Variants in KCNH7 observed in about 807,000 individuals in gnomAD.
KCNH7 encodes potassium voltage-gated channel subfamily H member 7, also known as voltage-gated inwardly rectifying potassium channel KCNH7.
Under a neutral mutation model 120.8 loss-of-function variants are expected in KCNH7, and 49 were observed. That is an observed-to-expected ratio of 0.41 (90% CI 0.32 to 0.51). The LOEUF is 0.51. Ranked by LOEUF, KCNH7 falls within the 20% of genes least tolerant of loss-of-function variation. The probability of loss-of-function intolerance (pLI) is 0.38; values close to 1 mark genes in which losing one functional copy is unlikely to be tolerated. For missense variants in KCNH7, 1,097 were observed against 1,446.6 expected, an observed-to-expected ratio of 0.76 and a Z score of 3.92; for synonymous variants, 547 against 516.1, an observed-to-expected ratio of 1.06 and a Z score of -0.81.
intron 2 of KCNH7, among the ~76,000 whole-genome samples, chr2:162,816,613 G>A (rs1332889189): frequency 6.6e-6 from 1 of 152,132 alleles, no homozygotes; most frequent in East Asian, 1.9e-4. Context: ...TTAAGAGGAT[G>A]AAATACTTGA....
At chr2:162,561,926 T>C (rs1031180518) in intron 2 of KCNH7, among the ~76,000 whole-genome samples, 6 of 152,160 alleles carry the variant, frequency 3.9e-5, no homozygotes, top group Admixed American at 6.5e-5. Flanking sequence ...TGGATGACAC[T>C]GGAAACCATC....
At position 162,569,746 on chromosome 2, in the gene KCNH7, T is replaced by A. The variant is rs1206671664; in HGVS notation, c.308-32666A>T. Among the ~76,000 whole-genome samples the A allele has an allele frequency of 7.3e-5, 11 of 151,580 alleles. No homozygotes were observed. In the Admixed American group the frequency reaches 7.3e-4, roughly 10 times the overall value. On this transcript the variant is annotated intron_variant, in intron 2 of 15. Transcript: ENST00000332142. ...TATGTTCTGTCTTTGCTCTCGTTGG[T>A]TTCAAAGAACATCTTTATTTCTGCC...
At chr2:162,714,203 A>G (rs1308024427) in intron 2 of KCNH7, among the ~76,000 whole-genome samples, 5 of 152,194 alleles carry the variant, frequency 3.3e-5, no homozygotes, top group African/African-American at 1.2e-4. Flanking sequence ...TGGGGGTTAT[A>G]TTAATAGTTT....
intron 2 of KCNH7, among the ~76,000 whole-genome samples, chr2:162,740,995 A>G (rs1023464315): frequency 2.0e-5 from 3 of 152,136 alleles, no homozygotes; most frequent in East Asian, 1.9e-4. Flanking sequence ...GGAGTTCTCT[A>G]TGAATCTTGA....
chr2:162,541,507 A>G (rs1178019450), intron 2 of KCNH7, among the ~76,000 whole-genome samples: 1 of 152,150 alleles, frequency 6.6e-6, no homozygotes, highest in African/African-American at 2.4e-5. Flanking sequence ...AATATTATGC[A>G]GCCAAAAAGG....
intron 2 of KCNH7, among the ~76,000 whole-genome samples, chr2:162,559,498 T>C (rs531992856): frequency 6.6e-6 from 1 of 152,320 alleles, no homozygotes; most frequent in Admixed American, 6.5e-5. Flanking sequence ...AACAGTTTTA[T>C]TTTAGAAAGC....
intron 2 of KCNH7, among the ~76,000 whole-genome samples, chr2:162,727,502 A>G (rs1019546782): frequency 1.3e-5 from 2 of 152,124 alleles, no homozygotes; most frequent in Non-Finnish European, 2.9e-5. Flanking sequence ...CACTCTACCC[A>G]TAGTCCCAGA....
At chr2:162,640,314 C>A (rs1401800652) in intron 2 of KCNH7, among the ~76,000 whole-genome samples, 6 of 152,032 alleles carry the variant, frequency 3.9e-5, no homozygotes, top group Admixed American at 3.9e-4. Flanking sequence ...CATAGCTACC[C>A]TAATCAAGAT....
At chr2:162,434,196 A>G (rs922099780) in intron 8 of KCNH7, among the ~76,000 whole-genome samples, 14 of 152,084 alleles carry the variant, frequency 9.2e-5, no homozygotes, top group Non-Finnish European at 7.4e-5. Flanking sequence ...GCATGGACAT[A>G]AAGATGAGAA....
At chr2:162,378,032 T>TA (rs1686274683) in intron 14 of KCNH7, among the ~76,000 whole-genome samples, 1 of 152,170 alleles carries the variant, frequency 6.6e-6, no homozygotes, top group Non-Finnish European at 1.5e-5. Context: ...CAGGTGATGC[T>TA]AAAAATCTCA....
intron 3 of KCNH7, among the ~76,000 whole-genome samples, chr2:162,519,685 C>T (rs1019592410): frequency 1.3e-5 from 2 of 151,714 alleles, no homozygotes; most frequent in Non-Finnish European, 2.9e-5. Context: ...CAAGAAAATG[C>T]AAAGATTGTC....
intron 2 of KCNH7, among the ~76,000 whole-genome samples, chr2:162,711,787 C>G (rs1686936647): frequency 6.6e-6 from 1 of 151,996 alleles, no homozygotes; most frequent in Non-Finnish European, 1.5e-5. Flanking sequence ...GCAGCAGAAG[C>G]CTCAGTTCCT....
chr2:162,602,640 A>T (rs2105954885), intron 2 of KCNH7, among the ~76,000 whole-genome samples: 1 of 152,168 alleles, frequency 6.6e-6, no homozygotes, highest in Non-Finnish European at 1.5e-5. Context: ...GTTTTTCAAA[A>T]GAACCTCCCT....
At chr2:162,824,495 C>T (rs1685218880) in intron 2 of KCNH7, among the ~76,000 whole-genome samples, 1 of 152,042 alleles carries the variant, frequency 6.6e-6, no homozygotes, top group African/African-American at 2.4e-5. Flanking sequence ...TTATAAAGAA[C>T]ACCTGGAGGG....
intron 9 of KCNH7, among the ~76,000 whole-genome samples, chr2:162,403,318 A>G (rs1687116552): frequency 6.6e-6 from 1 of 151,876 alleles, no homozygotes; most frequent in South Asian, 2.1e-4. Context: ...TCATTGCATC[A>G]CCGCTTTAAG....
chr2:162,531,400 A>G (rs1160133236), intron 3 of KCNH7, among the ~76,000 whole-genome samples: 1 of 151,944 alleles, frequency 6.6e-6, no homozygotes, highest in Non-Finnish European at 1.5e-5. Flanking sequence ...TGGACCATGA[A>G]AGACAACTAT....
intron 2 of KCNH7, among the ~76,000 whole-genome samples, chr2:162,642,721 A>G (rs1477728938): frequency 6.6e-6 from 1 of 152,226 alleles, no homozygotes; most frequent in Non-Finnish European, 1.5e-5. Context: ...GAAGCCACAG[A>G]CGTGCTTTAG....
At chr2:162,485,240 G>A (rs1690055392) in intron 6 of KCNH7, among the ~76,000 whole-genome samples, 1 of 151,910 alleles carries the variant, frequency 6.6e-6, no homozygotes, top group Non-Finnish European at 1.5e-5. Context: ...ACAAATTTGG[G>A]GGAATCTACA....
At chr2:162,375,155 A>C (rs780154430) in intron 14 of KCNH7, among the ~76,000 whole-genome samples, 10 of 152,216 alleles carry the variant, frequency 6.6e-5, no homozygotes, top group Non-Finnish European at 1.3e-4. Flanking sequence ...ATTCAGATTT[A>C]TCATAAATAT....
Sources: gnomAD v4.1 joint callset for allele counts (sites outside exome capture counted in the v4.1 genomes callset) on GRCh38, gnomAD v4.1.1 for gene constraint, MANE v1.5 for transcripts, NCBI Gene and HGNC (gene_info 2026-07-23, HGNC 2026-07-21) for gene names.